Variants in PPP2R1B observed in about 807,000 individuals in gnomAD.
PPP2R1B encodes protein phosphatase 2 scaffold subunit Abeta.
In PPP2R1B, 58 loss-of-function variants were observed where a neutral mutation model predicts 72.7. The observed-to-expected ratio is 0.80, with a 90% CI of 0.65 to 0.99. The LOEUF (loss-of-function observed/expected upper bound fraction) is 0.99, where lower values mean the gene tolerates loss of function less well. Ranked by LOEUF, PPP2R1B falls within the 50% of genes least tolerant of loss-of-function variation. The pLI, the probability that PPP2R1B is intolerant of heterozygous loss-of-function variation, is 0.00. For synonymous variants in PPP2R1B, 256 were observed against 264.6 expected (o/e 0.97, Z 0.32); for missense variants, 695 against 733.6 (o/e 0.95, Z 0.61).
In PPP2R1B at chr11:111,738,279, G is replaced by A; in HGVS notation, c.*3317C>T. 1.0e-6 allele frequency: 1 copy of A among 985,476 alleles called. No individual in the cohort carries two copies. Among genetic ancestry groups the A allele is most frequent in the Non-Finnish European group, 1.2e-6 (1 of 829,968 alleles). 61.0% of individuals were successfully genotyped at this position (985,476 alleles called of 1,614,324 possible). ...AAAAATAAGAAGCTTTACGATAAGA[G>A]TGTCACCATTTTTAAAAGTCAGAGG... On this transcript the variant is annotated 3_prime_UTR_variant, in exon 15 of 15. Transcript: ENST00000527614.
chr11:111,741,976 TAACACCTCTCACATAATAGAG>T, intron 14 of PPP2R1B, 56 bp downstream of exon 14: 2 of 1,230,900 alleles, frequency 1.6e-6, no homozygotes, highest in Non-Finnish European at 2.4e-6. Flanking sequence ...CCTACCCACT[TAACACCTCTCACATAATAGAG>T]ATAAATCCCA....
intron 11 of PPP2R1B, among the ~76,000 whole-genome samples, chr11:111,744,682 T>C (rs987191262): frequency 7.2e-5 from 11 of 152,104 alleles, no homozygotes; most frequent in African/African-American, 2.4e-4. Context: ...CCTGGGATGA[T>C]AGGAAGGGCA....
downstream of PPP2R1B, chr11:111,724,621 G>A (rs1239222725): frequency 2.5e-5 from 4 of 159,956 alleles, no homozygotes; most frequent in Admixed American, 2.4e-4. Flanking sequence ...AGGAAATAAA[G>A]GAAAGCTGTG....
chr11:111,762,518 C>A (rs1945362690), intron 3 of PPP2R1B, among the ~76,000 whole-genome samples: 1 of 151,594 alleles, frequency 6.6e-6, no homozygotes, highest in African/African-American at 2.4e-5. Context: ...GACCACTCTG[C>A]CTACCCAGCC....
rs782254586 is a variant in PPP2R1B at position 111,752,144 on chromosome 11, G to A, written c.1338+15C>T. 2.2e-5 allele frequency: 35 copies of A among 1,593,804 alleles called. No homozygotes were observed. The highest frequency in any genetic ancestry group is 2.6e-5 in the Non-Finnish European group (31 of 1,171,162). On this transcript the variant is annotated intron_variant, in intron 10 of 14. Transcript: ENST00000527614. ...CTGACACTACCCTGCAGTTCATGGAGCAACACATACTCACCAGCTGGCCTG... is the reference window on the plus strand; with the variant it reads ...CTGACACTACCCTGCAGTTCATGGAACAACACATACTCACCAGCTGGCCTG...
chr11:111,765,154 C>T (rs574333880), intron 2 of PPP2R1B, 140 bp downstream of exon 2: 2 of 1,007,404 alleles, frequency 2.0e-6, no homozygotes, highest in South Asian at 3.2e-5. Context: ...CCACAACTAA[C>T]AATATACTCT....
Position 111,738,074 on chromosome 11 carries a change from A to C in PPP2R1B, c.*3522T>G. 2.0e-6 allele frequency: 2 copies of C among 992,280 alleles called. No individual in the cohort carries two copies. The highest frequency in any genetic ancestry group is 2.4e-6 in the Non-Finnish European group (2 of 833,360). The allele number at this position is 992,280 out of a possible 1,614,324, so 61.5% of individuals were successfully genotyped here. The stretch of plus-strand genomic sequence containing the variant: ...GACTATTCTAGGTACAGAGGACTGG[A>C]GGGAGACATGCGAGGGAAGAGGAAA... On this transcript the variant is annotated 3_prime_UTR_variant, in exon 15 of 15. Coordinates refer to ENST00000527614, the MANE Select transcript of PPP2R1B (RefSeq NM_002716.5).
chr11:111,747,159 A>C (rs910029281), intron 11 of PPP2R1B, among the ~76,000 whole-genome samples: 1 of 152,210 alleles, frequency 6.6e-6, no homozygotes, highest in Non-Finnish European at 1.5e-5. Flanking sequence ...GCTCAAGGAC[A>C]ATGTCACATG....
At chr11:111,766,143 G>T in intron 1 of PPP2R1B, 105 bp downstream of exon 1, 1 of 1,071,344 alleles carries the variant, frequency 9.3e-7, no homozygotes, top group South Asian at 1.4e-5. Context: ...CTACGAGTCC[G>T]ACTCATTCAG....
intron 4 of PPP2R1B, 80 bp downstream of exon 4, chr11:111,760,739 A>G (rs1228174511): frequency 7.9e-5 from 100 of 1,272,236 alleles, no homozygotes; most frequent in Non-Finnish European, 1.1e-4. Context: ...TGTCAGCTAC[A>G]AGTCCCCAGT....
At chr11:111,725,621 C>G (rs1170027898), downstream of PPP2R1B, 1 of 152,656 alleles carries the variant, frequency 6.6e-6, no homozygotes, top group Non-Finnish European at 1.5e-5. Flanking sequence ...GTGTTAAGCA[C>G]AAAGCATCTT....
At chr11:111,745,341 C>T (rs1263396222) in intron 11 of PPP2R1B, among the ~76,000 whole-genome samples, 1 of 152,174 alleles carries the variant, frequency 6.6e-6, no homozygotes, top group African/African-American at 2.4e-5. Context: ...CATGAGCCAC[C>T]ATGCTCAGCA....
the PPP2R1B span, among the ~76,000 whole-genome samples, chr11:111,714,020 C>T: frequency 1.3e-5 from 2 of 152,060 alleles, no homozygotes; most frequent in Admixed American, 6.6e-5. Flanking sequence ...TAAATCAGAA[C>T]GAGGCAGGGG....
downstream of PPP2R1B, chr11:111,724,575 AG>A (rs2135982827): frequency 6.1e-6 from 1 of 164,000 alleles, no homozygotes; most frequent in Admixed American, 5.8e-5. Context: ...TATTGCTACA[AG>A]GCAAATCAAG....
the PPP2R1B span, among the ~76,000 whole-genome samples, chr11:111,714,063 C>T: frequency 2.0e-5 from 3 of 152,128 alleles, no homozygotes; most frequent in Non-Finnish European, 4.4e-5. Context: ...CAGGAAAGTC[C>T]GGTTTAACTG....
chr11:111,717,626 T>C, the PPP2R1B span, among the ~76,000 whole-genome samples: 1 of 152,182 alleles, frequency 6.6e-6, no homozygotes, highest in Non-Finnish European at 1.5e-5. Context: ...CATTCTATTA[T>C]AAAGATACAT....
chr11:111,734,647 A>G (rs951229383), downstream of PPP2R1B, among the ~76,000 whole-genome samples: 2 of 152,204 alleles, frequency 1.3e-5, no homozygotes, highest in Admixed American at 1.3e-4. Context: ...TGGGGATGGG[A>G]CTGAACATCC....
At chr11:111,713,928 T>C in the PPP2R1B span, among the ~76,000 whole-genome samples, 1 of 152,110 alleles carries the variant, frequency 6.6e-6, no homozygotes, top group Non-Finnish European at 1.5e-5. Flanking sequence ...GATCGTGCCA[T>C]TGCATGCCAG....
At chr11:111,715,389 C>T in the PPP2R1B span, among the ~76,000 whole-genome samples, 2 of 152,192 alleles carry the variant, frequency 1.3e-5, no homozygotes, top group Admixed American at 1.3e-4. Context: ...CTGTAACACC[C>T]ATTTGTTGTT....
Sources: allele counts gnomAD v4.1 joint callset (sites outside exome capture counted in the v4.1 genomes callset), GRCh38; gene constraint gnomAD v4.1.1; transcripts MANE v1.5; gene names NCBI Gene and HGNC (gene_info 2026-07-23, HGNC 2026-07-21).